Variants in AFAP1L2 observed in about 807,000 individuals in gnomAD.
The protein encoded by AFAP1L2 is actin filament-associated protein 1-like 2.
A neutral mutation model predicts 99.3 loss-of-function variants in AFAP1L2; 46 were observed. That is an observed-to-expected ratio of 0.46 (90% confidence interval 0.37 to 0.59). The LOEUF is 0.59. AFAP1L2 is among the 20% of genes least tolerant of loss of function. The pLI is 0.00. For missense variants in AFAP1L2, 959 were observed against 1,034.9 expected (o/e 0.93, Z 1.01); for synonymous variants, 397 against 419.1 (o/e 0.95, Z 0.64).
intron 1 of AFAP1L2, among the ~76,000 whole-genome samples, chr10:114,380,305 C>T (rs1466379976): frequency 6.6e-6 from 1 of 152,168 alleles, no homozygotes; most frequent in Non-Finnish European, 1.5e-5. Flanking sequence ...GAGGCAGTTG[C>T]TTTTTGAAAG....
At chr10:114,317,282 T>A (rs542000935) in intron 5 of AFAP1L2, among the ~76,000 whole-genome samples, 5 of 152,240 alleles carry the variant, frequency 3.3e-5, no homozygotes, top group Non-Finnish European at 5.9e-5. Flanking sequence ...AAAAACAACA[T>A]TTTAAACATT....
At chr10:114,371,620 A>G (rs1218513666) in intron 1 of AFAP1L2, among the ~76,000 whole-genome samples, 1 of 150,348 alleles carries the variant, frequency 6.7e-6, no homozygotes, top group Non-Finnish European at 1.5e-5. Flanking sequence ...ATGAGAACAC[A>G]TGGACACAGG....
intron 1 of AFAP1L2, among the ~76,000 whole-genome samples, chr10:114,345,232 G>A (rs1156816994): frequency 2.6e-5 from 4 of 151,934 alleles, no homozygotes; most frequent in Admixed American, 1.3e-4. Flanking sequence ...GTGGGTGGGG[G>A]TGGGCCTCAA....
chr10:114,391,212 CTTTCT>C (rs1341390481), intron 1 of AFAP1L2, among the ~76,000 whole-genome samples: 1 of 151,772 alleles, frequency 6.6e-6, no homozygotes, highest in Non-Finnish European at 1.5e-5. Context: ...GTTCCTGTTT[CTTTCT>C]TTTCTTTTTT....
chr10:114,379,788 C>T (rs72826933), intron 1 of AFAP1L2, among the ~76,000 whole-genome samples: 1 of 152,162 alleles, frequency 6.6e-6, no homozygotes, highest in African/African-American at 2.4e-5. Context: ...TTTGATAAGT[C>T]TGATGATATG....
chr10:114,294,839 C>T lies in AFAP1L2; in HGVS notation c.*1203G>A, dbSNP rs1440552982. Reference sequence around the variant, plus strand: ...TGAGGAAAACTTCAAATACAATGAACATTTTATTTTAAAAAACCTAACTAA... The same window carrying T: ...TGAGGAAAACTTCAAATACAATGAATATTTTATTTTAAAAAACCTAACTAA... On this transcript the variant is annotated 3_prime_UTR_variant, in exon 19 of 19. Transcript: ENST00000304129. The T allele has an allele frequency of 1.1e-6, 1 of 934,976 alleles. No homozygotes were observed. The highest frequency in any genetic ancestry group is 1.9e-5 in the African/African-American group (1 of 52,016). 57.9% of individuals were successfully genotyped at this position (934,976 alleles called of 1,614,324 possible).
chr10:114,372,793 C>T (rs2054293130), intron 1 of AFAP1L2, among the ~76,000 whole-genome samples: 1 of 152,154 alleles, frequency 6.6e-6, no homozygotes, highest in South Asian at 2.1e-4. Flanking sequence ...ACTGTGCATC[C>T]TTCCAGGAAT....
intron 1 of AFAP1L2, among the ~76,000 whole-genome samples, chr10:114,367,744 G>A (rs1394906002): frequency 6.6e-6 from 1 of 152,168 alleles, no homozygotes; most frequent in Non-Finnish European, 1.5e-5. Flanking sequence ...CAGAGGGGGT[G>A]GAAGAGAGAC....
Position 114,310,414 on chromosome 10 carries a change from G to A in AFAP1L2, c.822C>T (p.Ser274=), listed in dbSNP as rs146737461. The A allele has an allele frequency of 1.3e-4, 204 of 1,613,990 alleles. No homozygotes were observed. In the Middle Eastern group the frequency reaches 1.7e-3, roughly 13 times the overall value. The change falls in exon 8 of 19, where the codon TCC becomes TCT. Residue 274 remains serine, a synonymous_variant. Transcript: ENST00000304129. Reference sequence around the variant, plus strand: ...ACTGGTTTCCTTCAGATGCTCCTTCGGAAGGCAGGCCGCTCACTTCCTGGA... The same window carrying A: ...ACTGGTTTCCTTCAGATGCTCCTTCAGAAGGCAGGCCGCTCACTTCCTGGA... ...RVIQEVSGLP[S]EGASEGNQYT...
At chr10:114,307,959 G>A (rs746517591) in intron 9 of AFAP1L2, 50 bp from the exon 10 acceptor site, 32 of 1,542,694 alleles carry the variant, frequency 2.1e-5, no homozygotes, top group South Asian at 3.3e-5. Context: ...GTCCACCCAC[G>A]TGCCCATGAG....
At chr10:114,287,353 T>G in the AFAP1L2 span, among the ~76,000 whole-genome samples, 2 of 152,222 alleles carry the variant, frequency 1.3e-5, no homozygotes, top group African/African-American at 4.8e-5. Flanking sequence ...GCTAATTGTT[T>G]TATTTTTTAG....
chr10:114,286,443 C>A, the AFAP1L2 span: 3 of 1,612,318 alleles, frequency 1.9e-6, no homozygotes, highest in African/African-American at 4.0e-5. Context: ...ATGGTCTACT[C>A]GGATCCTCAG....
chr10:114,347,780 G>A (rs2049823410), intron 1 of AFAP1L2, among the ~76,000 whole-genome samples: 1 of 152,136 alleles, frequency 6.6e-6, no homozygotes. Flanking sequence ...CAAAGAGTGT[G>A]AGCCACCACA....
chr10:114,404,509 G>T, upstream of AFAP1L2: 1 of 1,519,390 alleles, frequency 6.6e-7, no homozygotes, highest in South Asian at 1.2e-5. Context: ...CTCTCCCGGC[G>T]CTCGGCTCAG....
At position 114,331,708 on chromosome 10, in the gene AFAP1L2, A is replaced by C. The variant is rs866168256; in HGVS notation, c.315+95T>G. 24 of 901,004 alleles carry C rather than the reference A, an allele frequency of 2.7e-5. 1 individual carries two copies. The Middle Eastern group carries it at 4.2e-3, about 159-fold the overall frequency. 55.8% of individuals were successfully genotyped at this position (901,004 alleles called of 1,614,324 possible). A position where few individuals can be genotyped will look rare whatever the true frequency, so the allele number is the denominator to read the frequency against. Reference sequence around the variant, plus strand: ...CCCTGAACACAGTAGCTGCTCAGAAAATGCCAGACACTTAGTGAGCTGACA... The same window carrying C: ...CCCTGAACACAGTAGCTGCTCAGAACATGCCAGACACTTAGTGAGCTGACA... On this transcript the variant is annotated intron_variant, in intron 4 of 18. Transcript: ENST00000304129.
intron 12 of AFAP1L2, chr10:114,301,686 G>A: frequency 1.8e-6 from 1 of 568,082 alleles, no homozygotes; most frequent in Non-Finnish European, 3.2e-6. Context: ...CTCCCAGAAA[G>A]ACAAGCTTCC....
chr10:114,295,525 A>AAATC lies in AFAP1L2; in HGVS notation c.*513_*516dup. The AAATC allele has an allele frequency of 1.0e-6, 1 of 985,670 alleles. No individual in the cohort carries two copies. Among genetic ancestry groups the AAATC allele is most frequent in the Non-Finnish European group, 1.2e-6 (1 of 830,104 alleles). The allele number at this position is 985,670 out of a possible 1,614,324, so 61.1% of individuals were successfully genotyped here. A position where few individuals can be genotyped will look rare whatever the true frequency, so the allele number is the denominator to read the frequency against. On this transcript the variant is annotated 3_prime_UTR_variant, in exon 19 of 19. Coordinates refer to ENST00000304129, the MANE Select transcript of AFAP1L2 (RefSeq NM_001001936.3). ...TTACAGATGATGTCAATGCTGTTTA[A>AAATC]AATCACTGAAGACTGAGTTGGGCCT...
chr10:114,393,610 T>C (rs1215166712), intron 1 of AFAP1L2: 3 of 152,068 alleles, frequency 2.0e-5, no homozygotes, highest in Non-Finnish European at 4.4e-5. Context: ...GGGGGTGGAA[T>C]GGGAGAGTGA....
At chr10:114,306,231 G>C (rs2042353784) in intron 10 of AFAP1L2, among the ~76,000 whole-genome samples, 1 of 136,010 alleles carries the variant, frequency 7.4e-6, no homozygotes, top group Non-Finnish European at 1.6e-5. Context: ...AGATGCAGGA[G>C]GGGGTGCACG....
Sources: allele counts gnomAD v4.1 joint callset (sites outside exome capture counted in the v4.1 genomes callset), GRCh38; gene constraint gnomAD v4.1.1; transcripts MANE v1.5; gene names NCBI Gene and HGNC (gene_info 2026-07-23, HGNC 2026-07-21).